Variants in ZKSCAN7 observed in about 807,000 individuals in gnomAD.
The protein encoded by ZKSCAN7 is zinc finger protein with KRAB and SCAN domains 7.
A neutral mutation model predicts 65.3 loss-of-function variants in ZKSCAN7; 38 were observed. That is an observed-to-expected ratio of 0.58 (90% CI 0.45 to 0.76). The LOEUF is 0.76. ZKSCAN7 is among the 30% of genes least tolerant of loss of function. The probability of loss-of-function intolerance (pLI) is 0.00; values close to 1 mark genes in which losing one functional copy is unlikely to be tolerated. For synonymous variants in ZKSCAN7, 321 were observed against 321.0 expected (o/e 1.00, Z 0.00); for missense variants, 815 against 913.3 (o/e 0.89, Z 1.39).
chr3:44,557,055 C>G lies in ZKSCAN7; in HGVS notation c.8C>G (p.Thr3Ser). 1.2e-6 allele frequency: 2 copies of G among 1,614,248 alleles called. No homozygotes were observed. Among genetic ancestry groups the G allele is most frequent in the Non-Finnish European group, 1.7e-6 (2 of 1,180,054 alleles). MT[T>S]AGRGNLGLIP... ...CTTCTCTTTGGGGTCACAATGACCA[C>G]TGCAGGCAGGGGAAATTTAGGCCTC... The change falls in exon 2 of 6, where the codon ACT becomes AGT. Residue 3 changes from threonine to serine, a missense_variant. By Grantham distance (58) the Thr-to-Ser change is moderately conservative. Around this residue, in one of 3 missense-constraint regions of ZKSCAN7, gnomAD observed 227 missense variants for 253.3 expected, o/e 0.90. Coordinates refer to ENST00000426540, the MANE Select transcript of ZKSCAN7 (RefSeq NM_001288590.2).
At chr3:44,580,961 A>G in intron 5 of ZKSCAN7, 1 of 1,612,112 alleles carries the variant, frequency 6.2e-7, no homozygotes, top group South Asian at 1.1e-5. Context: ...AGCAGTTCTG[A>G]CACTTGCTCT....
Position 44,570,691 on chromosome 3 carries a change from G to A in ZKSCAN7, c.1581G>A (p.Glu527=), listed in dbSNP as rs766669730. 8 of 1,613,996 alleles carry A rather than the reference G, an allele frequency of 5.0e-6. No individual in the cohort carries two copies. Among genetic ancestry groups the A allele is most frequent in the Middle Eastern group, 1.6e-4 (1 of 6,062 alleles). The change falls in exon 6 of 6, where the codon GAG becomes GAA. Residue 527 remains glutamate, a synonymous_variant. Coordinates refer to ENST00000426540, the MANE Select transcript of ZKSCAN7 (RefSeq NM_001288590.2). ...GTAAGAAACCTTACAAATGCAATGA[G>A]TGTGGGAGAGCATTCTGTTCCAATA... ...HTGKKPYKCN[E]CGRAFCSNRN... is the part of the protein sequence containing the mutation.
chr3:44,580,878 A>G, intron 5 of ZKSCAN7: 1 of 1,613,488 alleles, frequency 6.2e-7, no homozygotes, highest in Non-Finnish European at 8.5e-7. Context: ...AGCCAGGAGG[A>G]GCCAACCGCC....
intron 3 of ZKSCAN7, among the ~76,000 whole-genome samples, chr3:44,566,716 C>T (rs758336262): frequency 6.6e-6 from 1 of 151,906 alleles, no homozygotes; most frequent in Admixed American, 6.6e-5. Flanking sequence ...TAATAGCTCA[C>T]TGTAGCCTTG....
At chr3:44,557,503 G>A in intron 2 of ZKSCAN7, 33 bp downstream of exon 2, 1 of 1,612,674 alleles carries the variant, frequency 6.2e-7, no homozygotes, top group Non-Finnish European at 8.5e-7. Flanking sequence ...GCGGCCTGAT[G>A]CTTCTCTAAT....
At chr3:44,581,026 T>C (rs1220842262) in intron 5 of ZKSCAN7, 42 of 1,575,136 alleles carry the variant, frequency 2.7e-5, no homozygotes, top group African/African-American at 4.1e-5. Flanking sequence ...GCTGCCGACA[T>C]GGTCGGCGCG....
At position 44,557,323 on chromosome 3, in the gene ZKSCAN7, G is replaced by C; in HGVS notation, c.276G>C (p.Gln92His). The C allele has an allele frequency of 1.2e-6, 2 of 1,614,296 alleles. No homozygotes were observed. Among genetic ancestry groups the C allele is most frequent in the Non-Finnish European group, 1.7e-6 (2 of 1,180,058 alleles). The change falls in exon 2 of 6, where the codon CAG becomes CAC. Residue 92 changes from glutamine to histidine, a missense_variant. Physicochemically the swap from Gln to His is conservative, Grantham distance 24. Coordinates refer to ENST00000426540, the MANE Select transcript of ZKSCAN7 (RefSeq NM_001288590.2). ...TGCCAGAGGTGCACACCAAGGAGCA[G>C]ATCCTGGAGCTGCTGGTGCTTGAGC... is the stretch of plus-strand genomic sequence containing the variant. ...WLMPEVHTKE[Q>H]ILELLVLEQF...
At chr3:44,562,820 A>G (rs529781538) in intron 2 of ZKSCAN7, among the ~76,000 whole-genome samples, 2 of 152,190 alleles carry the variant, frequency 1.3e-5, no homozygotes, top group African/African-American at 4.8e-5. Flanking sequence ...AATACAAAAA[A>G]TTAGCTGGGC....
At chr3:44,574,649 G>C (rs1278727343), downstream of ZKSCAN7, among the ~76,000 whole-genome samples, 1 of 152,236 alleles carries the variant, frequency 6.6e-6, no homozygotes, top group Non-Finnish European at 1.5e-5. Context: ...ACAGGTTTGG[G>C]GTGGACACGG....
Position 44,570,083 on chromosome 3 carries a change from CAAA to C in ZKSCAN7, c.974_976del (p.Gln325_Thr326delinsPro). On this transcript the variant is annotated inframe_deletion, in exon 6 of 6. Coordinates refer to ENST00000426540, the MANE Select transcript of ZKSCAN7 (RefSeq NM_001288590.2). Reference sequence around the variant, plus strand: ...AGATACTTTCAAGGAGTTAGAAGGACAAACCTCAGATGAAGAAGGGAGCAGACT... The same window carrying C: ...AGATACTTTCAAGGAGTTAGAAGGACCCTCAGATGAAGAAGGGAGCAGACT... 4 of 1,613,830 alleles carry C rather than the reference CAAA, an allele frequency of 2.5e-6. No individual in the cohort carries two copies. Among genetic ancestry groups the C allele is most frequent in the Non-Finnish European group, 3.4e-6 (4 of 1,179,956 alleles).
chr3:44,567,701 G>A (rs1699676761), intron 3 of ZKSCAN7, among the ~76,000 whole-genome samples: 1 of 151,940 alleles, frequency 6.6e-6, no homozygotes, highest in South Asian at 2.1e-4. Context: ...GGGCTTGGAG[G>A]AACACCCAGT....
intron 2 of ZKSCAN7, among the ~76,000 whole-genome samples, chr3:44,564,252 T>G (rs1699565770): frequency 6.6e-6 from 1 of 152,274 alleles, no homozygotes; most frequent in Admixed American, 6.5e-5. Flanking sequence ...TGAGGTATTC[T>G]CAAGATCTCT....
chr3:44,571,663 A>G lies in ZKSCAN7; in HGVS notation c.*288A>G. The G allele has an allele frequency of 8.0e-7, 1 of 1,244,494 alleles. No individual in the cohort carries two copies. The highest frequency in any genetic ancestry group is 1.5e-5 in the African/African-American group (1 of 65,724). The allele number at this position is 1,244,494 out of a possible 1,614,324, so 77.1% of individuals were successfully genotyped here. On this transcript the variant is annotated 3_prime_UTR_variant, in exon 6 of 6. Transcript: ENST00000426540. ...TCATTTCTTAGTTATGCATCTCATA[A>G]TCAGACTCCATGCTTTTTAAAGACA...
chr3:44,565,627 G>T lies in ZKSCAN7; in HGVS notation c.564G>T (p.Gly188=), dbSNP rs748450473. The change falls in exon 3 of 6, where the codon GGG becomes GGT. Residue 188 remains glycine (G), a synonymous_variant. Coordinates refer to ENST00000426540, the MANE Select transcript of ZKSCAN7 (RefSeq NM_001288590.2). ...GAHLEPPYDP[G]THHLPSGDFA... ...ACCTGGAGCCTCCTTATGACCCAGG[G>T]ACACACCACCTCCCCAGTGGGGACT... The T allele has an allele frequency of 3.1e-6, 5 of 1,607,556 alleles. No homozygotes were observed. The highest frequency in any genetic ancestry group is 4.2e-6 in the Non-Finnish European group (5 of 1,177,480).
chr3:44,575,668 C>T (rs1220214397), downstream of ZKSCAN7, among the ~76,000 whole-genome samples: 2 of 152,200 alleles, frequency 1.3e-5, no homozygotes, highest in Non-Finnish European at 2.9e-5. Flanking sequence ...ACCTCCGCCT[C>T]CCAGGTTCAA....
intron 3 of ZKSCAN7, among the ~76,000 whole-genome samples, chr3:44,567,166 GAA>G (rs1699658065): frequency 1.5e-5 from 1 of 64,692 alleles, no homozygotes; most frequent in African/African-American, 5.9e-5. Context: ...AAGAAAAAGA[GAA>G]GAGAAAAGAA....
At chr3:44,558,782 A>ATTTTTTTTTTTTTTTTTT (rs35709621) in intron 2 of ZKSCAN7, among the ~76,000 whole-genome samples, 1 of 92,712 alleles carries the variant, frequency 1.1e-5, no homozygotes, top group Non-Finnish European at 2.0e-5. Context: ...TTTCTTCTTC[A>ATTTTTTTTTTTTTTTTTT]TTTTTTTTTT....
rs1699822949 is a variant in ZKSCAN7, at chr3:44,572,107, A to G, written c.*732A>G. The G allele has an allele frequency of 1.1e-5, 11 of 983,288 alleles. 1 individual carries two copies. In the South Asian group the frequency reaches 5.2e-4, roughly 46 times the overall value. The allele number at this position is 983,288 out of a possible 1,614,324, so 60.9% of individuals were successfully genotyped here. A position where few individuals can be genotyped will look rare whatever the true frequency, so the allele number is the denominator to read the frequency against. ...TCAGGTATGTATTTCTTTCCCATAT[A>G]GATAGTATTTTGTACATACCAGTTG... On this transcript the variant is annotated 3_prime_UTR_variant, in exon 6 of 6. Transcript: ENST00000426540.
chr3:44,578,108 C>T, intron 5 of ZKSCAN7: 1 of 1,558,848 alleles, frequency 6.4e-7, no homozygotes, highest in Non-Finnish European at 8.9e-7. Context: ...TGTCAGGGGA[C>T]TTTTCCCCCA....
Sources: gnomAD v4.1 joint callset for allele counts (sites outside exome capture counted in the v4.1 genomes callset) on GRCh38, gnomAD v4.1.1 for gene constraint, gnomAD v4.1.1 regional missense constraint, MANE v1.5 for transcripts, NCBI Gene and HGNC (gene_info 2026-07-23, HGNC 2026-07-21) for gene names.